PRSS23: variants seen among roughly 807,000 people sequenced by gnomAD.
PRSS23 encodes serine protease 23.
PRSS23 carries 25 observed loss-of-function variants against 34.7 expected under a neutral mutation model. The observed-to-expected ratio is 0.72, with a 90% CI of 0.53 to 1.01. PRSS23 has a LOEUF of 1.01. Ranked by LOEUF, PRSS23 falls within the 50% of genes least tolerant of loss-of-function variation. The pLI is 0.00. For missense variants in PRSS23, 445 were observed against 475.6 expected (o/e 0.94, Z 0.60); for synonymous variants, 176 against 186.6 (o/e 0.94, Z 0.46).
intron 2 of PRSS23, among the ~76,000 whole-genome samples, chr11:86,931,329 A>G (rs1416743617): frequency 6.6e-6 from 1 of 152,226 alleles, no homozygotes; most frequent in Non-Finnish European, 1.5e-5. Flanking sequence ...AATGATGAAG[A>G]AAAAAGCCAC....
intron 2 of PRSS23, among the ~76,000 whole-genome samples, chr11:86,877,393 G>T (rs947522846): frequency 6.6e-6 from 1 of 152,100 alleles, no homozygotes; most frequent in African/African-American, 2.4e-5. Flanking sequence ...CCCCTTCTCC[G>T]TACATGTCTC....
At chr11:86,865,894 C>G (rs1307728289) in intron 2 of PRSS23, among the ~76,000 whole-genome samples, 2 of 152,144 alleles carry the variant, frequency 1.3e-5, no homozygotes, top group Non-Finnish European at 2.9e-5. Flanking sequence ...ATTGAAGTTG[C>G]AAATGCTTCT....
chr11:86,939,426 A>ATATTTTTTTTTTT lies in PRSS23; in HGVS notation c.207-11789_207-11788insATTTTTTTTTTTT. On this transcript the variant is annotated intron_variant, in intron 2 of 2. Coordinates refer to the PRSS23 transcript ENST00000533902. ...AAAATATATATATATATATATATAT[A>ATATTTTTTTTTTT]TTTTTTAACATGAGTAAAAATTGCA... 7.9e-4 allele frequency among the ~76,000 whole-genome samples: 74 copies of ATATTTTTTTTTTT among 94,060 alleles called. 1 individual carries two copies. The highest frequency in any genetic ancestry group is 1.8e-3 in the African/African-American group (53 of 30,190). The allele number at this position is 94,060 out of a possible 152,430, so 61.7% of individuals were successfully genotyped here.
In PRSS23 at chr11:86,924,439, T is replaced by C. The variant is rs1468126754; in HGVS notation, c.207-26777T>C. Among the ~76,000 whole-genome samples, 5 of 152,202 alleles carry C rather than the reference T, an allele frequency of 3.3e-5. 1 individual carries two copies. The highest frequency in any genetic ancestry group is 4.2e-4 in the South Asian group (2 of 4,816). ...ACAACACACCAAACTCTGTTAAATT[T>C]TGGAGACCTGGGACCAAGAAGTAAG... On this transcript the variant is annotated intron_variant, in intron 2 of 2. Coordinates refer to the PRSS23 transcript ENST00000533902.
chr11:86,879,280 G>A (rs1204201732), intron 2 of PRSS23, among the ~76,000 whole-genome samples: 6 of 146,862 alleles, frequency 4.1e-5, no homozygotes, highest in South Asian at 4.4e-4. Flanking sequence ...CTGCGACCCC[G>A]TCTGGGAGGT....
At chr11:86,895,694 G>T (rs1050663062) in intron 2 of PRSS23, among the ~76,000 whole-genome samples, 7 of 152,074 alleles carry the variant, frequency 4.6e-5, no homozygotes, top group South Asian at 2.1e-4. Context: ...TGCCCAGGCT[G>T]CTCTCGAACT....
At chr11:86,827,705 G>C (rs921627038) in intron 2 of PRSS23, among the ~76,000 whole-genome samples, 1 of 152,032 alleles carries the variant, frequency 6.6e-6, no homozygotes, top group South Asian at 2.1e-4. Flanking sequence ...CTTTGTTCTC[G>C]TTGGTTTCAA....
intron 1 of PRSS23, among the ~76,000 whole-genome samples, chr11:86,822,628 A>AG (rs947273102): frequency 1.6e-4 from 24 of 151,788 alleles, no homozygotes; most frequent in African/African-American, 4.8e-4. Context: ...ACTAAAAAAA[A>AG]AAAAAAAAAA....
intron 2 of PRSS23, among the ~76,000 whole-genome samples, chr11:86,885,126 C>T (rs558816548): frequency 1.3e-5 from 2 of 152,248 alleles, no homozygotes; most frequent in Non-Finnish European, 2.9e-5. Context: ...AATAAGTATT[C>T]GGTGATTAAA....
At chr11:86,858,438 G>A (rs941499584) in intron 2 of PRSS23, among the ~76,000 whole-genome samples, 1 of 151,808 alleles carries the variant, frequency 6.6e-6, no homozygotes, top group Admixed American at 6.6e-5. Context: ...CTGTGATATT[G>A]TACATGATAT....
intron 2 of PRSS23, among the ~76,000 whole-genome samples, chr11:86,874,567 C>T (rs1948710014): frequency 6.6e-6 from 1 of 152,222 alleles, no homozygotes; most frequent in Non-Finnish European, 1.5e-5. Context: ...CTACAGTACA[C>T]CTTCCAGTAG....
At chr11:86,830,588 C>T (rs1435439628) in intron 2 of PRSS23, among the ~76,000 whole-genome samples, 1 of 152,198 alleles carries the variant, frequency 6.6e-6, no homozygotes, top group Non-Finnish European at 1.5e-5. Flanking sequence ...CTGTGTCGCT[C>T]ATGCTGGGAG....
At chr11:86,861,996 G>A (rs1948619084) in intron 2 of PRSS23, among the ~76,000 whole-genome samples, 2 of 151,540 alleles carry the variant, frequency 1.3e-5, no homozygotes, top group Non-Finnish European at 2.9e-5. Flanking sequence ...GGGGGTGAGA[G>A]AATGATATTA....
intron 2 of PRSS23, among the ~76,000 whole-genome samples, chr11:86,858,882 CT>C (rs1565368455): frequency 6.6e-6 from 1 of 151,832 alleles, no homozygotes; most frequent in South Asian, 2.1e-4. Flanking sequence ...CACCCACCCC[CT>C]GTGATATTGT....
intron 2 of PRSS23, among the ~76,000 whole-genome samples, chr11:86,939,548 T>A (rs1159529253): frequency 1.3e-5 from 2 of 151,054 alleles, no homozygotes; most frequent in African/African-American, 4.8e-5. Flanking sequence ...AATACATTTT[T>A]ATTGAAATAT....
intron 2 of PRSS23, among the ~76,000 whole-genome samples, chr11:86,858,723 C>A (rs903741277): frequency 1.3e-5 from 2 of 151,582 alleles, no homozygotes; most frequent in African/African-American, 4.9e-5. Flanking sequence ...GGGGTGTACA[C>A]AACCCTGTGG....
intron 2 of PRSS23, among the ~76,000 whole-genome samples, chr11:86,833,811 C>T (rs971624170): frequency 3.3e-5 from 5 of 152,228 alleles, no homozygotes; most frequent in East Asian, 1.9e-4. Flanking sequence ...GTCTCTCAGT[C>T]CCCCCTCTCA....
At chr11:86,832,232 G>A (rs1485858527) in intron 2 of PRSS23, among the ~76,000 whole-genome samples, 1 of 152,084 alleles carries the variant, frequency 6.6e-6, no homozygotes, top group Non-Finnish European at 1.5e-5. Context: ...TACCACATGT[G>A]TGAACACCCT....
chr11:86,870,587 C>T (rs145159381), intron 2 of PRSS23, among the ~76,000 whole-genome samples: 44 of 152,250 alleles, frequency 2.9e-4, no homozygotes, highest in Middle Eastern at 3.4e-3. Flanking sequence ...TTTTCAAAAG[C>T]GTTTTTCAAT....
Sources: allele counts gnomAD v4.1 joint callset (sites outside exome capture counted in the v4.1 genomes callset), GRCh38; gene constraint gnomAD v4.1.1; transcripts MANE v1.5; gene names NCBI Gene and HGNC (gene_info 2026-07-23, HGNC 2026-07-21).